The following NPAS3 variants were observed in gnomAD, a reference collection of about 807,000 sequenced individuals.
NPAS3 encodes the protein neuronal PAS domain-containing protein 3.
In NPAS3, 14 loss-of-function variants were observed where a neutral mutation model predicts 73.1. The observed-to-expected ratio is 0.19, with a 90% CI of 0.13 to 0.30. The LOEUF (loss-of-function observed/expected upper bound fraction) is 0.30. NPAS3 is among the 10% of genes least tolerant of loss of function. The pLI is 1.00. For missense variants in NPAS3, 1,096 were observed against 1,250.0 expected, an observed-to-expected ratio of 0.88 and a Z score of 1.86; for synonymous variants, 620 against 541.5, an observed-to-expected ratio of 1.14 and a Z score of -2.01.
At position 33,560,228 on chromosome 14, in the gene NPAS3, A is replaced by G. The variant is rs773773567; in HGVS notation, c.558+18A>G. ...TCTCACAAGTAAGTAAAACAATTTT[A>G]GATTCTTGGCAGCGATTATGAAGCC... On this transcript the variant is annotated intron_variant, in intron 5 of 11. Transcript: ENST00000356141. 4.7e-6 allele frequency: 4 copies of G among 857,984 alleles called. No individual in the cohort carries two copies. The highest frequency in any genetic ancestry group is 3.3e-5 in the African/African-American group (2 of 60,874). 53.1% of individuals were successfully genotyped at this position (857,984 alleles called of 1,614,324 possible).
chr14:33,028,770 G>A (rs142082561), intron 1 of NPAS3, among the ~76,000 whole-genome samples: 135 of 152,158 alleles, frequency 8.9e-4, no homozygotes, highest in African/African-American at 3.1e-3. Context: ...TGATGAGGGA[G>A]ACTTTTTTTG....
In NPAS3 at chr14:33,208,861, A is replaced by G. The variant is rs557777533; in HGVS notation, c.141-6321A>G. Among the ~76,000 whole-genome samples the G allele has an allele frequency of 1.1e-4, 16 of 152,326 alleles. No homozygotes were observed. The East Asian group carries it at 3.1e-3, about 29-fold the overall frequency. Reference sequence around the variant, plus strand: ...TATATTGTGTGAGCATCAGACCATCAAACAGTGCATCTTTACTGACGTGTT... The same window carrying G: ...TATATTGTGTGAGCATCAGACCATCGAACAGTGCATCTTTACTGACGTGTT... On this transcript the variant is annotated intron_variant, in intron 2 of 11. Transcript: ENST00000356141.
At chr14:33,125,254 G>T (rs2139066123) in intron 2 of NPAS3, among the ~76,000 whole-genome samples, 1 of 152,136 alleles carries the variant, frequency 6.6e-6, no homozygotes, top group East Asian at 1.9e-4. Flanking sequence ...ATAAGCACTA[G>T]AAGGAAGTAG....
intron 5 of NPAS3, among the ~76,000 whole-genome samples, chr14:33,598,480 CAG>C (rs2057309022): frequency 6.6e-6 from 1 of 152,200 alleles, no homozygotes; most frequent in Non-Finnish European, 1.5e-5. Context: ...GCCTTACAAT[CAG>C]AGTAAACTCT....
intron 3 of NPAS3, among the ~76,000 whole-genome samples, chr14:33,276,977 CA>C (rs749918412): frequency 2.2e-4 from 34 of 152,034 alleles, no homozygotes; most frequent in Non-Finnish European, 4.0e-4. Context: ...ATAACAAAGC[CA>C]TACCTCCACC....
At chr14:33,758,600 A>T (rs1482264979) in intron 7 of NPAS3, among the ~76,000 whole-genome samples, 1 of 152,254 alleles carries the variant, frequency 6.6e-6, no homozygotes, top group Non-Finnish European at 1.5e-5. Flanking sequence ...AATGAAATTT[A>T]CCTCTTTCCT....
chr14:33,528,850 C>T (rs760007355), intron 4 of NPAS3, among the ~76,000 whole-genome samples: 2 of 152,092 alleles, frequency 1.3e-5, no homozygotes, highest in Non-Finnish European at 2.9e-5. Flanking sequence ...TAAGGAATAG[C>T]GGTCACGTGT....
At chr14:33,125,567 C>T (rs556979318) in intron 2 of NPAS3, among the ~76,000 whole-genome samples, 11 of 152,062 alleles carry the variant, frequency 7.2e-5, no homozygotes, top group Non-Finnish European at 1.5e-4. Flanking sequence ...TGAACTTTAT[C>T]GAGAACTGAT....
At chr14:33,445,014 A>G (rs906314644) in intron 4 of NPAS3, among the ~76,000 whole-genome samples, 1 of 152,230 alleles carries the variant, frequency 6.6e-6, no homozygotes, top group Admixed American at 6.5e-5. Flanking sequence ...TATTTAAACC[A>G]AAATATTCTC....
rs529436019 is a variant in NPAS3 at position 33,024,733 on chromosome 14, A to G, written c.51-31172A>G. On this transcript the variant is annotated intron_variant, in intron 1 of 11. Transcript: ENST00000356141. ...AGACTATAGAAATACACCAATGAAA[A>G]TGTTCACATAGGCTAATTCTGAATG... 9.8e-5 allele frequency among the ~76,000 whole-genome samples: 15 copies of G among 152,302 alleles called. No homozygotes were observed. In the South Asian group the frequency reaches 3.1e-3, roughly 32 times the overall value.
intron 7 of NPAS3, among the ~76,000 whole-genome samples, chr14:33,769,854 T>C (rs1362386638): frequency 7.3e-6 from 1 of 137,190 alleles, no homozygotes; most frequent in Non-Finnish European, 1.5e-5. Flanking sequence ...AGCATCCATC[T>C]CCTAGGTTCA....
intron 3 of NPAS3, among the ~76,000 whole-genome samples, chr14:33,341,525 G>C (rs1359599215): frequency 6.6e-6 from 1 of 152,088 alleles, no homozygotes; most frequent in Non-Finnish European, 1.5e-5. Flanking sequence ...AAATTACAGA[G>C]AGGGAGAGGG....
intron 4 of NPAS3, among the ~76,000 whole-genome samples, chr14:33,459,376 A>G (rs948506716): frequency 1.3e-5 from 2 of 152,222 alleles, no homozygotes; most frequent in Non-Finnish European, 2.9e-5. Context: ...GGGATAAGAA[A>G]ACTATAAAAT....
chr14:33,343,948 A>G (rs1205743671), intron 3 of NPAS3, among the ~76,000 whole-genome samples: 1 of 152,142 alleles, frequency 6.6e-6, no homozygotes, highest in African/African-American at 2.4e-5. Flanking sequence ...TCAGATCCTT[A>G]CCCAATAGCT....
intron 3 of NPAS3, among the ~76,000 whole-genome samples, chr14:33,280,718 G>T (rs2041565058): frequency 6.6e-6 from 1 of 152,136 alleles, no homozygotes; most frequent in Admixed American, 6.5e-5. Context: ...GGTAACTTTT[G>T]AGAAAGTACA....
chr14:33,701,645 G>T (rs2060525656), intron 6 of NPAS3, among the ~76,000 whole-genome samples: 1 of 152,202 alleles, frequency 6.6e-6, no homozygotes, highest in South Asian at 2.1e-4. Flanking sequence ...TTTAGACACA[G>T]TTCCACTCCC....
At chr14:33,339,606 T>C (rs1294795964) in intron 3 of NPAS3, among the ~76,000 whole-genome samples, 2 of 152,238 alleles carry the variant, frequency 1.3e-5, no homozygotes, top group Non-Finnish European at 2.9e-5. Context: ...AAGGACCTTG[T>C]AAAATTAGTT....
intron 3 of NPAS3, among the ~76,000 whole-genome samples, chr14:33,224,333 T>C (rs1230419200): frequency 6.6e-6 from 1 of 152,328 alleles, no homozygotes; most frequent in East Asian, 1.9e-4. Context: ...ATTGAAATTG[T>C]ACTGTGGCTT....
At chr14:33,783,257 T>G (rs2063036965) in intron 9 of NPAS3, among the ~76,000 whole-genome samples, 1 of 152,182 alleles carries the variant, frequency 6.6e-6, no homozygotes, top group Non-Finnish European at 1.5e-5. Flanking sequence ...GAAAGTTTGA[T>G]GGGTGGGCCA....
Sources: allele counts gnomAD v4.1 joint callset (sites outside exome capture counted in the v4.1 genomes callset), GRCh38; gene constraint gnomAD v4.1.1; transcripts MANE v1.5; gene names NCBI Gene and HGNC (gene_info 2026-07-23, HGNC 2026-07-21).